Variants in CHST9 observed in about 807,000 individuals in gnomAD.
CHST9 encodes the protein carbohydrate sulfotransferase 9.
In CHST9, 41 loss-of-function variants were observed where a neutral mutation model predicts 44.4. The ratio of observed to expected loss-of-function variants is 0.92; its 90% CI spans 0.72 to 1.20. CHST9 has a LOEUF of 1.20. Among genes scored for constraint, CHST9 ranks in the 50% most tolerant of loss-of-function variants. CHST9 has a pLI of 0.00. For missense variants in CHST9, 504 were observed against 516.5 expected (o/e 0.98, Z 0.23); for synonymous variants, 171 against 178.4 (o/e 0.96, Z 0.33).
intron 4 of CHST9, among the ~76,000 whole-genome samples, chr18:26,980,058 A>T (rs915013120): frequency 1.3e-5 from 2 of 152,246 alleles, no homozygotes; most frequent in African/African-American, 4.8e-5. Context: ...TATATCCCAG[A>T]GTTCATCAAG....
chr18:27,035,204 G>T (rs1474755010), intron 3 of CHST9, among the ~76,000 whole-genome samples: 2 of 152,154 alleles, frequency 1.3e-5, no homozygotes, highest in Admixed American at 6.5e-5. Context: ...ATTCTGATAA[G>T]TGTGAGCTAA....
At chr18:27,114,529 T>C (rs998089041) in intron 2 of CHST9, among the ~76,000 whole-genome samples, 1 of 152,260 alleles carries the variant, frequency 6.6e-6, no homozygotes, top group Non-Finnish European at 1.5e-5. Flanking sequence ...TGGGGAATTA[T>C]GCACAGAGTT....
At chr18:26,983,353 G>A (rs1167953464) in intron 4 of CHST9, among the ~76,000 whole-genome samples, 1 of 152,162 alleles carries the variant, frequency 6.6e-6, no homozygotes, top group Non-Finnish European at 1.5e-5. Flanking sequence ...TTGGGTCAGA[G>A]GGGTGGATCC....
chr18:27,046,801 G>A (rs971863473), intron 3 of CHST9, among the ~76,000 whole-genome samples: 11 of 151,996 alleles, frequency 7.2e-5, no homozygotes, highest in African/African-American at 2.2e-4. Flanking sequence ...CTAGAATATG[G>A]GCTCTATCCA....
At chr18:27,143,934 G>T (rs1035522929) in intron 1 of CHST9, among the ~76,000 whole-genome samples, 1 of 152,058 alleles carries the variant, frequency 6.6e-6, no homozygotes, top group East Asian at 1.9e-4. Flanking sequence ...CGTTCTGCAC[G>T]TGTATCCCAG....
intron 2 of CHST9, among the ~76,000 whole-genome samples, chr18:27,106,349 TCCCGTCTTA>T (rs1395220294): frequency 1.3e-5 from 2 of 152,164 alleles, no homozygotes; most frequent in Non-Finnish European, 2.9e-5. Context: ...CTTCTTAGTT[TCCCGTCTTA>T]ATGATTAGCT....
chr18:26,968,776 TAAA>T (rs1042379311), intron 4 of CHST9, among the ~76,000 whole-genome samples: 55 of 152,318 alleles, frequency 3.6e-4, no homozygotes, highest in African/African-American at 1.3e-3. Flanking sequence ...ACCTTATGGT[TAAA>T]AATTTGACAC....
chr18:27,108,531 AAGAT>A (rs1463576424), intron 2 of CHST9, among the ~76,000 whole-genome samples: 1 of 152,184 alleles, frequency 6.6e-6, no homozygotes, highest in African/African-American at 2.4e-5. Context: ...CACATACTGA[AAGAT>A]AGATTAGGGG....
chr18:27,134,140 C>T (rs1598747075), intron 2 of CHST9, among the ~76,000 whole-genome samples: 1 of 151,988 alleles, frequency 6.6e-6, no homozygotes, highest in Admixed American at 6.6e-5. Flanking sequence ...TCAGGATGAA[C>T]GGCCTGGTTT....
chr18:26,995,653 G>A (rs1448812644), intron 4 of CHST9, among the ~76,000 whole-genome samples: 4 of 152,158 alleles, frequency 2.6e-5, no homozygotes, highest in Non-Finnish European at 5.9e-5. Context: ...TCCTTTTCAA[G>A]CTGTAGCTTG....
chr18:27,141,320 G>A (rs12965386), intron 2 of CHST9, among the ~76,000 whole-genome samples: 73 of 150,862 alleles, frequency 4.8e-4, no homozygotes, highest in Middle Eastern at 3.4e-3. Flanking sequence ...AGCTGAGATC[G>A]CGCCACTGCA....
chr18:27,182,787 T>C (rs1444635647), intron 1 of CHST9, among the ~76,000 whole-genome samples: 1 of 152,170 alleles, frequency 6.6e-6, no homozygotes, highest in African/African-American at 2.4e-5. Context: ...ATATAAAGTA[T>C]ATAATAACAG....
intron 3 of CHST9, among the ~76,000 whole-genome samples, chr18:27,045,374 T>C (rs763094505): frequency 7.2e-5 from 11 of 152,078 alleles, no homozygotes; most frequent in Non-Finnish European, 1.5e-4. Context: ...CACTTTATGC[T>C]GTGTTGCTTT....
chr18:27,183,594 A>G (rs2058930767), intron 1 of CHST9, among the ~76,000 whole-genome samples: 1 of 152,130 alleles, frequency 6.6e-6, no homozygotes, highest in African/African-American at 2.4e-5. Context: ...AGTGTGTGCT[A>G]TTTCTTATTG....
chr18:27,089,001 T>C (rs191293633), intron 2 of CHST9, among the ~76,000 whole-genome samples: 26 of 152,306 alleles, frequency 1.7e-4, no homozygotes, highest in African/African-American at 3.4e-4. Context: ...ATGATTTGAT[T>C]TGATATTAAA....
intron 4 of CHST9, among the ~76,000 whole-genome samples, chr18:27,015,794 T>C (rs1394765673): frequency 6.6e-6 from 1 of 152,172 alleles, no homozygotes; most frequent in Non-Finnish European, 1.5e-5. Context: ...CTCTGCTTCT[T>C]GTTTCTCTGC....
chr18:27,015,323 T>TG (rs2057139007), intron 4 of CHST9, among the ~76,000 whole-genome samples: 2 of 146,454 alleles, frequency 1.4e-5, no homozygotes, highest in Admixed American at 6.8e-5. Context: ...AGAGAGGCAG[T>TG]TGTGTGTGTG....
chr18:26,930,339 T>C (rs1027833018), intron 5 of CHST9, among the ~76,000 whole-genome samples: 1 of 152,024 alleles, frequency 6.6e-6, no homozygotes, highest in African/African-American at 2.4e-5. Flanking sequence ...GAATATAGAA[T>C]TACACTAGCA....
chr18:26,943,020 A>T (rs2056106540), intron 5 of CHST9, among the ~76,000 whole-genome samples: 1 of 152,164 alleles, frequency 6.6e-6, no homozygotes, highest in Admixed American at 6.5e-5. Flanking sequence ...AGGCAGGAGA[A>T]TTGCTTGAAC....
Sources: allele counts gnomAD v4.1 joint callset (sites outside exome capture counted in the v4.1 genomes callset), GRCh38; gene constraint gnomAD v4.1.1; transcripts MANE v1.5; gene names NCBI Gene and HGNC (gene_info 2026-07-23, HGNC 2026-07-21).